The following PRM2 variants were observed in gnomAD, a reference collection of about 807,000 sequenced individuals.
PRM2 encodes protamine 2, also known as protamine-2.
A neutral mutation model predicts 10.7 loss-of-function variants in PRM2; 6 were observed. That is an observed-to-expected ratio of 0.56 (90% CI 0.31 to 1.11). The LOEUF (loss-of-function observed/expected upper bound fraction) is 1.11. PRM2 is among the 50% of genes least tolerant of loss of function. PRM2 has a pLI of 0.06. For synonymous variants in PRM2, 64 were observed against 54.8 expected (o/e 1.17, Z -0.74); for missense variants, 194 against 147.7 (o/e 1.31, Z -1.62).
In PRM2 at chr16:11,275,701, C is replaced by G; in HGVS notation, c.*199G>C. 7.5e-7 allele frequency: 1 copy of G among 1,328,692 alleles called. No individual in the cohort carries two copies. Among genetic ancestry groups the G allele is most frequent in the Non-Finnish European group, 1.0e-6 (1 of 960,988 alleles). 82.3% of individuals were successfully genotyped at this position (1,328,692 alleles called of 1,614,324 possible). A position where few individuals can be genotyped will look rare whatever the true frequency, so the allele number is the denominator to read the frequency against. On this transcript the variant is annotated 3_prime_UTR_variant, in exon 2 of 2. Coordinates refer to ENST00000241808, the MANE Select transcript of PRM2 (RefSeq NM_002762.4). ...CGTTTCACTCAGATCTTGTGGGCTT[C>G]TCGGCGGCAACTCAGGGCTTGAGCA...
Position 11,276,329 on chromosome 16 carries a change from G to A in PRM2, c.42C>T (p.His14=), listed in dbSNP as rs760050004. The A allele has an allele frequency of 6.9e-5, 111 of 1,614,134 alleles. No homozygotes were observed. In the Admixed American group the frequency reaches 1.4e-3, roughly 20 times the overall value. ...CATGCAACTGCTGCCTGTACACCTC[G>A]TGCGAGCGTTCGCTCAGGCTCCTCA... ...YRVRSLSERS[H]EVYRQQLHGQ... is the part of the protein sequence containing the mutation. Residue 14 remains histidine, a synonymous_variant, in exon 1 of 2, where the codon CAC becomes CAT. Transcript: ENST00000241808.
chr16:11,276,374 G>T lies in PRM2; in HGVS notation c.-4C>A. 1.2e-6 allele frequency: 2 copies of T among 1,614,172 alleles called. No homozygotes were observed. The highest frequency in any genetic ancestry group is 1.7e-6 in the Non-Finnish European group (2 of 1,179,998). ...TCCTCACGCGGTATCGGACCATGGT[G>T]TTGGGAGATCTGGTGGCTCCTGGGC... is the stretch of plus-strand genomic sequence containing the variant. On this transcript the variant is annotated 5_prime_UTR_variant, in exon 1 of 2. Coordinates refer to ENST00000241808, the MANE Select transcript of PRM2 (RefSeq NM_002762.4).
Position 11,275,659 on chromosome 16 carries a change from G to T in PRM2, c.*241C>A. On this transcript the variant is annotated 3_prime_UTR_variant, in exon 2 of 2. Coordinates refer to ENST00000241808, the MANE Select transcript of PRM2 (RefSeq NM_002762.4). ...GCGAGTGTCTTGTCAAGCTTTATTG[G>T]GCAGGTGACTTTTGCTCGTTTCACT... 1.1e-6 allele frequency: 1 copy of T among 898,546 alleles called. No homozygotes were observed. Among genetic ancestry groups the T allele is most frequent in the Non-Finnish European group, 1.7e-6 (1 of 595,302 alleles). The allele number at this position is 898,546 out of a possible 1,614,324, so 55.7% of individuals were successfully genotyped here.
chr16:11,276,407 G>C lies in PRM2; in HGVS notation c.-37C>G. ...ATCTGGTGGCTCCTGGGCTGAGGCT[G>C]CAGTGGGCCCTGGAGTAGGGGAGGA... On this transcript the variant is annotated 5_prime_UTR_variant, in exon 1 of 2. Coordinates refer to ENST00000241808, the MANE Select transcript of PRM2 (RefSeq NM_002762.4). 1 of 1,612,832 alleles carries C rather than the reference G, an allele frequency of 6.2e-7. No individual in the cohort carries two copies. The highest frequency in any genetic ancestry group is 8.5e-7 in the Non-Finnish European group (1 of 1,179,444).
At chr16:11,276,012 GCT>G in intron 1 of PRM2, 75 bp from the exon 2 acceptor site, 1 of 1,610,716 alleles carries the variant, frequency 6.2e-7, no homozygotes, top group Non-Finnish European at 8.5e-7. Context: ...GGGGGCTGGA[GCT>G]TTTGTCAGGT....
In PRM2 at chr16:11,276,331, G is replaced by T. The variant is rs753396937; in HGVS notation, c.40C>A (p.His14Asn). ...YRVRSLSERSHEVYRQQLHGQ... is the reference protein window; with the variant it reads ...YRVRSLSERSNEVYRQQLHGQ... ...TGCAACTGCTGCCTGTACACCTCGT[G>T]CGAGCGTTCGCTCAGGCTCCTCACG... Residue 14 changes from histidine (H) to asparagine (N), a missense_variant, in exon 1 of 2, where the codon CAC becomes AAC. Physicochemically the swap from His to Asn is moderately conservative, Grantham distance 68. Coordinates refer to ENST00000241808, the MANE Select transcript of PRM2 (RefSeq NM_002762.4). 1.2e-6 allele frequency: 2 copies of T among 1,614,226 alleles called. No homozygotes were observed. The highest frequency in any genetic ancestry group is 1.7e-6 in the Non-Finnish European group (2 of 1,180,034).
rs374559524 is a variant in PRM2 at position 11,276,363 on chromosome 16, C to G, written c.8G>C (p.Arg3Pro). Residue 3 changes from arginine (R) to proline (P), a missense_variant, in exon 1 of 2, where the codon CGA (arginine) becomes CCA (proline). Physicochemically the swap from Arg to Pro is moderately radical, Grantham distance 103. Transcript: ENST00000241808. Reference protein sequence around the residue: MVRYRVRSLSERS... With the variant: MVPYRVRSLSERS... ...TTCGCTCAGGCTCCTCACGCGGTATCGGACCATGGTGTTGGGAGATCTGGT... is the reference window on the plus strand; with the variant it reads ...TTCGCTCAGGCTCCTCACGCGGTATGGGACCATGGTGTTGGGAGATCTGGT... The G allele has an allele frequency of 2.6e-5, 42 of 1,614,040 alleles. No homozygotes were observed. The highest frequency in any genetic ancestry group is 3.6e-5 in the Non-Finnish European group (42 of 1,180,016).
chr16:11,276,060 G>A (rs373399991), intron 1 of PRM2, 40 bp downstream of exon 1: 233 of 1,610,946 alleles, frequency 1.4e-4, no homozygotes, highest in Non-Finnish European at 1.9e-4. Context: ...TGCCTGGGGT[G>A]GTCAGGGACA....
rs2069859455 is a variant in PRM2 at position 11,276,110 on chromosome 16, C to G, written c.261G>C (p.Arg87Ser). Residue 87 changes from arginine (R) to serine (S), a missense_variant, in exon 1 of 2, where the codon AGG (arginine) becomes AGC (serine). Physicochemically the swap from Arg to Ser is moderately radical, Grantham distance 110. Coordinates refer to ENST00000241808, the MANE Select transcript of PRM2 (RefSeq NM_002762.4). ...GGGGCGCAGGCAGACCTCTGCGATGCCTCCTCCGGTGCCTGCAGGAGCGTC... is the reference window on the plus strand; with the variant it reads ...GGGGCGCAGGCAGACCTCTGCGATGGCTCCTCCGGTGCCTGCAGGAGCGTC... ...RKRRSCRHRR[R>S]HRRGCRTRKR... The G allele has an allele frequency of 6.2e-7, 1 of 1,611,350 alleles. No homozygotes were observed. The highest frequency in any genetic ancestry group is 8.5e-7 in the Non-Finnish European group (1 of 1,179,890).
chr16:11,276,010 G>T (rs1195189166), intron 1 of PRM2, 73 bp from the exon 2 acceptor site: 2 of 1,611,290 alleles, frequency 1.2e-6, no homozygotes, highest in South Asian at 2.2e-5. Flanking sequence ...TAGGGGGCTG[G>T]AGCTTTTGTC....
Position 11,276,271 on chromosome 16 carries a change from GCTC to G in PRM2, c.97_99del (p.Glu33del). 6.2e-7 allele frequency: 1 copy of G among 1,614,274 alleles called. No individual in the cohort carries two copies. Among genetic ancestry groups the G allele is most frequent in the Middle Eastern group, 1.6e-4 (1 of 6,062 alleles). ...TCGACGTGCTCCGGGCTCAGCCCTT[GCTC>G]CTCTTGGCCGTGGTGTCCTTGCTCT... On this transcript the variant is annotated inframe_deletion, in exon 1 of 2. Transcript: ENST00000241808.
chr16:11,276,295 G>T lies in PRM2; in HGVS notation c.76C>A (p.Gln26Lys), dbSNP rs779547969. The stretch of plus-strand genomic sequence containing the variant: ...TGCTCCTCTTGGCCGTGGTGTCCTT[G>T]CTCTTGCCCATGCAACTGCTGCCTG... ...VYRQQLHGQE[Q>K]GHHGQEEQGL... Residue 26 changes from glutamine (Q) to lysine (K), a missense_variant, in exon 1 of 2, where the codon CAA becomes AAA. Coordinates refer to ENST00000241808, the MANE Select transcript of PRM2 (RefSeq NM_002762.4). 1.2e-6 allele frequency: 2 copies of T among 1,614,236 alleles called. No homozygotes were observed. The highest frequency in any genetic ancestry group is 1.6e-4 in the Middle Eastern group (1 of 6,062).
Position 11,275,840 on chromosome 16 carries a change from A to T in PRM2, c.*60T>A. On this transcript the variant is annotated 3_prime_UTR_variant, in exon 2 of 2. Transcript: ENST00000241808. ...GATGTAGGGGAATTGCTATGGCCTC[A>T]CTTGGTGTTTCGGGCGACTTTTTCT... 6.2e-7 allele frequency: 1 copy of T among 1,612,472 alleles called. No homozygotes were observed. Among genetic ancestry groups the T allele is most frequent in the Non-Finnish European group, 8.5e-7 (1 of 1,179,678 alleles).
At position 11,276,387 on chromosome 16, in the gene PRM2, G is replaced by A. The variant is rs751970281; in HGVS notation, c.-17C>T. On this transcript the variant is annotated 5_prime_UTR_variant, in exon 1 of 2. Coordinates refer to ENST00000241808, the MANE Select transcript of PRM2 (RefSeq NM_002762.4). ...TCGGACCATGGTGTTGGGAGATCTG[G>A]TGGCTCCTGGGCTGAGGCTGCAGTG... The A allele has an allele frequency of 1.4e-5, 23 of 1,613,950 alleles. No individual in the cohort carries two copies. The highest frequency in any genetic ancestry group is 1.9e-5 in the Non-Finnish European group (23 of 1,179,912).
rs750334799 is a variant in PRM2 at position 11,276,133 on chromosome 16, G to A, written c.238C>T (p.Arg80Cys). 102 of 1,612,950 alleles carry A rather than the reference G, an allele frequency of 6.3e-5. No homozygotes were observed. Among genetic ancestry groups the A allele is most frequent in the Non-Finnish European group, 7.3e-5 (86 of 1,180,018 alleles). Residue 80 changes from arginine (R) to cysteine (C), a missense_variant, in exon 1 of 2, where the codon CGC becomes TGC. Coordinates refer to ENST00000241808, the MANE Select transcript of PRM2 (RefSeq NM_002762.4). ...TGCCTCCTCCGGTGCCTGCAGGAGC[G>A]TCTTTTGCGCCTTCTGCAGGAGCGA... Reference protein sequence around the residue: ...QHRSCRRRKRRSCRHRRRHRR... With the variant: ...QHRSCRRRKRCSCRHRRRHRR...
At position 11,276,435 on chromosome 16, in the gene PRM2, G is replaced by C; in HGVS notation, c.-65C>G. Reference sequence around the variant, plus strand: ...GTGGGCCCTGGAGTAGGGGAGGAGGGCGGAGGCCTGCCCACCTGCCCTTGG... The same window carrying C: ...GTGGGCCCTGGAGTAGGGGAGGAGGCCGGAGGCCTGCCCACCTGCCCTTGG... On this transcript the variant is annotated 5_prime_UTR_variant, in exon 1 of 2. Coordinates refer to ENST00000241808, the MANE Select transcript of PRM2 (RefSeq NM_002762.4). 6.3e-7 allele frequency: 1 copy of C among 1,599,180 alleles called. No homozygotes were observed. Among genetic ancestry groups the C allele is most frequent in the South Asian group, 1.1e-5 (1 of 89,746 alleles).
Position 11,276,357 on chromosome 16 carries a change from C to T in PRM2, c.14G>A (p.Arg5His), listed in dbSNP as rs200184582. MVRY[R>H]VRSLSERSHE... ...CGAGCGTTCGCTCAGGCTCCTCACG[C>T]GGTATCGGACCATGGTGTTGGGAGA... is the stretch of plus-strand genomic sequence containing the variant. The change falls in exon 1 of 2, where the codon CGC (arginine) becomes CAC (histidine). Residue 5 changes from arginine to histidine, a missense_variant. Physicochemically the swap from Arg to His is conservative, Grantham distance 29. Transcript: ENST00000241808. 8.2e-5 allele frequency: 132 copies of T among 1,614,216 alleles called. No individual in the cohort carries two copies. The highest frequency in any genetic ancestry group is 2.0e-4 in the East Asian group (9 of 44,890).
Position 11,276,147 on chromosome 16 carries a change from C to A in PRM2, c.224G>T (p.Arg75Ile). ...CCTGCAGGAGCGTCTTTTGCGCCTT[C>A]TGCAGGAGCGATGCTGCCGCCTGTG... ...RIHRRQHRSCRRRKRRSCRHR... is the reference protein window; with the variant it reads ...RIHRRQHRSCIRRKRRSCRHR... Residue 75 changes from arginine (R) to isoleucine (I), a missense_variant, in exon 1 of 2, where the codon AGA becomes ATA. Coordinates refer to ENST00000241808, the MANE Select transcript of PRM2 (RefSeq NM_002762.4). 2 of 1,613,634 alleles carry A rather than the reference C, an allele frequency of 1.2e-6. No homozygotes were observed. Among genetic ancestry groups the A allele is most frequent in the Non-Finnish European group, 1.7e-6 (2 of 1,180,032 alleles).
Position 11,276,391 on chromosome 16 carries a change from C to T in PRM2, c.-21G>A, listed in dbSNP as rs1223458417. 1.2e-6 allele frequency: 2 copies of T among 1,613,870 alleles called. No homozygotes were observed. Among genetic ancestry groups the T allele is most frequent in the African/African-American group, 2.7e-5 (2 of 75,066 alleles). On this transcript the variant is annotated 5_prime_UTR_variant, in exon 1 of 2. Transcript: ENST00000241808. Reference sequence around the variant, plus strand: ...ACCATGGTGTTGGGAGATCTGGTGGCTCCTGGGCTGAGGCTGCAGTGGGCC... The same window carrying T: ...ACCATGGTGTTGGGAGATCTGGTGGTTCCTGGGCTGAGGCTGCAGTGGGCC...
Sources: allele counts gnomAD v4.1 joint callset, GRCh38; gene constraint gnomAD v4.1.1; transcripts MANE v1.5; gene names NCBI Gene and HGNC (gene_info 2026-07-23, HGNC 2026-07-21).